BLTP3A: variants seen among roughly 807,000 people sequenced by gnomAD.
BLTP3A encodes the protein ICBP90 binding protein 1.
At chr6:34,836,427 C>T in the BLTP3A span, 152,623 of 1,375,856 alleles carry the variant, frequency 0.11, 9,287 homozygotes, top group African/African-American at 0.21. Flanking sequence ...GATGAAGGCT[C>T]TTTTCAGAAG....
chr6:34,800,277 T>C, the BLTP3A span, among the ~76,000 whole-genome samples: 1 of 152,326 alleles, frequency 6.6e-6, no homozygotes, highest in Admixed American at 6.5e-5. Flanking sequence ...GGTTGAATAA[T>C]CTGGGTATGG....
At chr6:34,792,326 C>A in the BLTP3A span, 1 of 1,533,942 alleles carries the variant, frequency 6.5e-7, no homozygotes, top group Non-Finnish European at 8.8e-7. Context: ...CCCGGCGGTC[C>A]TGGGCCCTTC....
At chr6:34,817,892 C>T in the BLTP3A span, among the ~76,000 whole-genome samples, 2 of 149,144 alleles carry the variant, frequency 1.3e-5, no homozygotes, top group South Asian at 2.1e-4. Context: ...CTCGCTCTGT[C>T]GCCCAGGCTG....
chr6:34,850,561 G>A, the BLTP3A span, among the ~76,000 whole-genome samples: 9 of 151,570 alleles, frequency 5.9e-5, no homozygotes, highest in Non-Finnish European at 1.2e-4. Context: ...CTTTTTTCTT[G>A]TATCTCCCCT....
the BLTP3A span, chr6:34,871,996 G>C: frequency 6.8e-7 from 1 of 1,473,990 alleles, no homozygotes; most frequent in Non-Finnish European, 9.3e-7. Context: ...GTAAAACCCG[G>C]GGTTGGGGGG....
At chr6:34,854,701 A>C in the BLTP3A span, among the ~76,000 whole-genome samples, 1 of 152,168 alleles carries the variant, frequency 6.6e-6, no homozygotes, top group Non-Finnish European at 1.5e-5. Context: ...TTGGGATGGC[A>C]AAATGTCGAT....
chr6:34,871,176 T>A, the BLTP3A span: 1 of 1,551,824 alleles, frequency 6.4e-7, no homozygotes, highest in Non-Finnish European at 8.7e-7. Context: ...CCCTGGACTT[T>A]GTCAAGCAAG....
chr6:34,817,752 A>G, the BLTP3A span, among the ~76,000 whole-genome samples: 1 of 152,116 alleles, frequency 6.6e-6, no homozygotes, highest in Non-Finnish European at 1.5e-5. Flanking sequence ...TTATTTCATT[A>G]CTGAAAGCTG....
chr6:34,825,683 T>A, the BLTP3A span, among the ~76,000 whole-genome samples: 1 of 152,218 alleles, frequency 6.6e-6, no homozygotes, highest in Admixed American at 6.5e-5. Flanking sequence ...TCCAGAGGCC[T>A]CATCTCTAAA....
At chr6:34,817,268 A>G in the BLTP3A span, among the ~76,000 whole-genome samples, 9 of 152,346 alleles carry the variant, frequency 5.9e-5, no homozygotes, top group African/African-American at 2.2e-4. Flanking sequence ...GAAGAGAAAT[A>G]ATCACCTTCC....
At chr6:34,863,227 C>G in the BLTP3A span, among the ~76,000 whole-genome samples, 9,865 of 152,160 alleles carry the variant, frequency 0.065, 529 homozygotes, top group East Asian at 0.33. Flanking sequence ...TTAATTCTAC[C>G]TTTAACTGTA....
the BLTP3A span, chr6:34,871,519 C>G: frequency 6.7e-7 from 1 of 1,485,310 alleles, no homozygotes; most frequent in Non-Finnish European, 9.4e-7. Flanking sequence ...ATGATGGGAG[C>G]ATGGGTTGTG....
At chr6:34,834,857 G>T in the BLTP3A span, 1 of 1,613,314 alleles carries the variant, frequency 6.2e-7, no homozygotes. Context: ...GCCCTCAAAA[G>T]AAGAGTAAGT....
the BLTP3A span, among the ~76,000 whole-genome samples, chr6:34,803,389 C>T: frequency 4.1e-4 from 62 of 152,246 alleles, no homozygotes; most frequent in African/African-American, 1.5e-3. Flanking sequence ...GGAGGTCTCT[C>T]TTCTCATGCC....
chr6:34,864,838 G>A, the BLTP3A span, among the ~76,000 whole-genome samples: 3 of 152,008 alleles, frequency 2.0e-5, no homozygotes, highest in Non-Finnish European at 4.4e-5. Flanking sequence ...CTTAGCGGCA[G>A]GTGCTTGTAA....
At chr6:34,806,362 A>G in the BLTP3A span, among the ~76,000 whole-genome samples, 1 of 152,108 alleles carries the variant, frequency 6.6e-6, no homozygotes, top group African/African-American at 2.4e-5. Context: ...AACCCTAGCC[A>G]GTTGAATGTG....
the BLTP3A span, chr6:34,821,567 T>C: frequency 1.2e-5 from 16 of 1,311,528 alleles, no homozygotes; most frequent in Non-Finnish European, 1.6e-5. Context: ...TTTTTTCTTT[T>C]CTCTAGATTC....
the BLTP3A span, among the ~76,000 whole-genome samples, chr6:34,804,298 T>A: frequency 6.6e-6 from 1 of 152,134 alleles, no homozygotes; most frequent in Non-Finnish European, 1.5e-5. Context: ...GGGACTCTGT[T>A]TTTGAGACTA....
At chr6:34,877,423 G>C in the BLTP3A span, 29 of 152,674 alleles carry the variant, frequency 1.9e-4, no homozygotes, top group Non-Finnish European at 8.8e-5. Context: ...GTCAGTATTG[G>C]GAAATTTTAA....
Sources: allele counts gnomAD v4.1 joint callset (sites outside exome capture counted in the v4.1 genomes callset), GRCh38; gene constraint gnomAD v4.1.1; transcripts MANE v1.5; gene names NCBI Gene and HGNC (gene_info 2026-07-23, HGNC 2026-07-21).